The following KCNIP1 variants were observed in gnomAD, a reference collection of about 807,000 sequenced individuals.
The protein encoded by KCNIP1 is A-type potassium channel modulatory protein KCNIP1.
A neutral mutation model predicts 33.0 loss-of-function variants in KCNIP1; 18 were observed. The ratio of observed to expected loss-of-function variants is 0.55; its 90% CI spans 0.38 to 0.81. The LOEUF (loss-of-function observed/expected upper bound fraction) is 0.81. Ranked by LOEUF, KCNIP1 falls within the 30% of genes least tolerant of loss-of-function variation. The pLI, the probability that KCNIP1 is intolerant of heterozygous loss-of-function variation, is 0.00. For synonymous variants in KCNIP1, 93 were observed against 98.3 expected, an observed-to-expected ratio of 0.95 and a Z score of 0.32; for missense variants, 238 against 271.6, an observed-to-expected ratio of 0.88 and a Z score of 0.87.
chr5:170,581,175 C>A (rs1489177816), intron 1 of KCNIP1, among the ~76,000 whole-genome samples: 1 of 152,214 alleles, frequency 6.6e-6, no homozygotes, highest in Non-Finnish European at 1.5e-5. Flanking sequence ...ATCAGGTGAT[C>A]TGTCATGAAT....
intron 1 of KCNIP1, among the ~76,000 whole-genome samples, chr5:170,364,922 A>T (rs1287055007): frequency 1.3e-5 from 2 of 152,130 alleles, no homozygotes; most frequent in African/African-American, 4.8e-5. Flanking sequence ...TCTCTTAGCA[A>T]ATTTCAAGTA....
At position 170,444,344 on chromosome 5, in the gene KCNIP1, C is replaced by G. The variant is rs981391769; in HGVS notation, c.88+90380C>G. Among the ~76,000 whole-genome samples, 7 of 152,218 alleles carry G rather than the reference C, an allele frequency of 4.6e-5. No homozygotes were observed. In the South Asian group the frequency reaches 1.5e-3, roughly 32 times the overall value. On this transcript the variant is annotated intron_variant, in intron 1 of 7. Coordinates refer to the KCNIP1 transcript ENST00000377360. ...GTCTTCAAAGCCAGCAGTGTTGGGC[C>G]GAGTCTTTCTCAGGCTGCTACCTCT...
Position 170,575,320 on chromosome 5 carries a change from C to T in KCNIP1, c.61+70687C>T, listed in dbSNP as rs1435330009. 5.3e-5 allele frequency among the ~76,000 whole-genome samples: 8 copies of T among 152,152 alleles called. No homozygotes were observed. In the East Asian group the frequency reaches 1.5e-3, roughly 29 times the overall value. On this transcript the variant is annotated intron_variant, in intron 1 of 7. Coordinates refer to ENST00000328939, the MANE Select transcript of KCNIP1 (RefSeq NM_014592.4). ...AACATTATGGTAAAGTCAACACTTA[C>T]TGAAAATGTCCCCTTTAATAGGGCA...
At chr5:170,652,519 A>AAGGAAGGG (rs1279969861) in intron 1 of KCNIP1, among the ~76,000 whole-genome samples, 1 of 134,894 alleles carries the variant, frequency 7.4e-6, no homozygotes, top group Non-Finnish European at 1.6e-5. Context: ...GGAAGGAAGG[A>AAGGAAGGG]GAAAAGAAAA....
intron 1 of KCNIP1, among the ~76,000 whole-genome samples, chr5:170,395,591 G>T (rs1403505410): frequency 1.3e-5 from 2 of 152,192 alleles, no homozygotes; most frequent in African/African-American, 2.4e-5. Flanking sequence ...GAATGGACAG[G>T]TATAAGGGAG....
At chr5:170,620,574 C>G (rs1759563069) in intron 1 of KCNIP1, among the ~76,000 whole-genome samples, 1 of 152,226 alleles carries the variant, frequency 6.6e-6, no homozygotes, top group East Asian at 1.9e-4. Flanking sequence ...AAGTCCTGCT[C>G]AAACTGTGCC....
intron 1 of KCNIP1, among the ~76,000 whole-genome samples, chr5:170,435,622 G>A (rs77512136): frequency 0.023 from 3,441 of 152,282 alleles, 109 homozygotes; most frequent in Admixed American, 0.084. Context: ...AGAGGACAGG[G>A]CCATGCTTAT....
intron 1 of KCNIP1, among the ~76,000 whole-genome samples, chr5:170,543,847 T>C (rs1174901098): frequency 6.6e-6 from 1 of 152,210 alleles, no homozygotes; most frequent in Non-Finnish European, 1.5e-5. Flanking sequence ...GTTTAAAGAT[T>C]TGCACTTTTC....
At chr5:170,389,142 A>T (rs1466738892) in intron 1 of KCNIP1, 1 of 152,262 alleles carries the variant, frequency 6.6e-6, no homozygotes, top group African/African-American at 2.4e-5. Context: ...CCCGAGAGGA[A>T]GGGAGTCCTC....
At chr5:170,373,765 T>C (rs1239163667) in intron 1 of KCNIP1, among the ~76,000 whole-genome samples, 3 of 152,230 alleles carry the variant, frequency 2.0e-5, no homozygotes, top group African/African-American at 7.2e-5. Flanking sequence ...CTCTGGAACA[T>C]TCCATTGCAC....
At chr5:170,693,883 G>A (rs565437198) in intron 1 of KCNIP1, among the ~76,000 whole-genome samples, 87 of 152,220 alleles carry the variant, frequency 5.7e-4, no homozygotes, top group Non-Finnish European at 1.1e-3. Context: ...CAGGCTGGAG[G>A]CAGTTCTGTG....
intron 1 of KCNIP1, among the ~76,000 whole-genome samples, chr5:170,663,314 G>A (rs552118898): frequency 2.0e-5 from 3 of 152,216 alleles, no homozygotes; most frequent in South Asian, 2.1e-4. Context: ...TTCCAACTTG[G>A]ACTTGCCGGA....
In KCNIP1 at chr5:170,703,436, A is replaced by G. The variant is rs1247776785; in HGVS notation, c.62-15322A>G. Among the ~76,000 whole-genome samples the G allele has an allele frequency of 2.9e-5, 4 of 137,928 alleles. 1 individual carries two copies. Among genetic ancestry groups the G allele is most frequent in the Non-Finnish European group, 6.1e-5 (4 of 65,740 alleles). The allele number at this position is 137,928 out of a possible 152,430, so 90.5% of individuals were successfully genotyped here. On this transcript the variant is annotated intron_variant, in intron 1 of 7. Transcript: ENST00000328939. ...ATTTCTAAAGGAAAGCCAAAAGTTC[A>G]TATTTTTATGTGAAATAAATGTTGA... is the stretch of plus-strand genomic sequence containing the variant.
chr5:170,578,919 G>A (rs968580882), intron 1 of KCNIP1, among the ~76,000 whole-genome samples: 1 of 152,112 alleles, frequency 6.6e-6, no homozygotes, highest in African/African-American at 2.4e-5. Flanking sequence ...AAGAGGGAGG[G>A]CCCTGAGGTG....
At chr5:170,718,472 C>A (rs1561781784) in intron 1 of KCNIP1, among the ~76,000 whole-genome samples, 1 of 152,142 alleles carries the variant, frequency 6.6e-6, no homozygotes, top group African/African-American at 2.4e-5. Flanking sequence ...ATTTTTAAAG[C>A]AAGGAAAATG....
intron 1 of KCNIP1, among the ~76,000 whole-genome samples, chr5:170,533,385 G>A (rs1342835707): frequency 1.3e-5 from 2 of 152,154 alleles, no homozygotes; most frequent in Non-Finnish European, 1.5e-5. Flanking sequence ...GCAATCCTAC[G>A]CTGCGGGTAC....
At chr5:170,636,754 G>A (rs1050610825) in intron 1 of KCNIP1, among the ~76,000 whole-genome samples, 1 of 152,120 alleles carries the variant, frequency 6.6e-6, no homozygotes, top group Non-Finnish European at 1.5e-5. Context: ...AAAATGAGGT[G>A]AGAGCAAGCA....
In KCNIP1 at chr5:170,722,839, G is replaced by A; in HGVS notation, c.435+19G>A. 1 of 1,533,226 alleles carries A rather than the reference G, an allele frequency of 6.5e-7. No individual in the cohort carries two copies. Among genetic ancestry groups the A allele is most frequent in the South Asian group, 1.1e-5 (1 of 89,278 alleles). 95.0% of individuals were successfully genotyped at this position (1,533,226 alleles called of 1,614,324 possible). A position where few individuals can be genotyped will look rare whatever the true frequency, so the allele number is the denominator to read the frequency against. Reference sequence around the variant, plus strand: ...CAAAGAGGTAAGTGAGCTGGGGCCAGGGGTGTGAGAGGGCTCCAGTGAAGG... The same window carrying A: ...CAAAGAGGTAAGTGAGCTGGGGCCAAGGGTGTGAGAGGGCTCCAGTGAAGG... On this transcript the variant is annotated intron_variant, in intron 5 of 7. Transcript: ENST00000328939.
At chr5:170,496,379 G>C (rs937121486) in intron 1 of KCNIP1, among the ~76,000 whole-genome samples, 1 of 152,212 alleles carries the variant, frequency 6.6e-6, no homozygotes, top group Non-Finnish European at 1.5e-5. Flanking sequence ...CAGAGTGTGA[G>C]CTCCGGAGTC....
Sources: gnomAD v4.1 joint callset for allele counts (sites outside exome capture counted in the v4.1 genomes callset) on GRCh38, gnomAD v4.1.1 for gene constraint, MANE v1.5 for transcripts, NCBI Gene and HGNC (gene_info 2026-07-23, HGNC 2026-07-21) for gene names.